TET2: variants seen among roughly 807,000 people sequenced by gnomAD.
TET2 encodes tet methylcytosine dioxygenase 2, also known as methylcytosine dioxygenase TET2.
A neutral mutation model predicts 142.9 loss-of-function variants in TET2; 299 were observed. The observed-to-expected ratio is 2.09, with a 90% CI of 1.90 to 2.30. The LOEUF (loss-of-function observed/expected upper bound fraction) is 2.30. TET2 is among the 30% of genes most tolerant of loss of function. The pLI is 0.00. For synonymous variants in TET2, 819 were observed against 849.0 expected (o/e 0.96, Z 0.61); for missense variants, 2,418 against 2,378.0 (o/e 1.02, Z -0.35).
intron 2 of TET2, chr4:105,202,346 C>T (rs1726533688): frequency 1.3e-5 from 2 of 152,020 alleles, no homozygotes; most frequent in African/African-American, 4.8e-5. Flanking sequence ...CTAGCCCTCA[C>T]CTTTGAAAAG....
At position 105,237,366 on chromosome 4, in the gene TET2, T is replaced by A. The variant is rs192879693; in HGVS notation, c.3409+15T>A. On this transcript the variant is annotated intron_variant, in intron 3 of 10. Transcript: ENST00000380013. Reference sequence around the variant, plus strand: ...CAGATGTGTAGGTAAGTGCCAGAAATGTACTGAGACACATGGCGTTTATCC... The same window carrying A: ...CAGATGTGTAGGTAAGTGCCAGAAAAGTACTGAGACACATGGCGTTTATCC... 116 of 1,614,100 alleles carry A rather than the reference T, an allele frequency of 7.2e-5. 1 individual carries two copies. In the Admixed American group the frequency reaches 1.9e-3, roughly 26 times the overall value.
At chr4:105,191,104 C>T (rs73836051) in intron 2 of TET2, among the ~76,000 whole-genome samples, 3,740 of 152,224 alleles carry the variant, frequency 0.025, 159 homozygotes, top group African/African-American at 0.086. Flanking sequence ...CCAGGCTGCT[C>T]TGAAACTCCT....
chr4:105,258,807 C>T (rs1240007591), intron 6 of TET2, among the ~76,000 whole-genome samples: 1 of 152,078 alleles, frequency 6.6e-6, no homozygotes, highest in African/African-American at 2.4e-5. Flanking sequence ...TCTCTCTTTG[C>T]TTACTTGTAT....
chr4:105,258,648 G>A (rs900688120), intron 6 of TET2, among the ~76,000 whole-genome samples: 6 of 152,000 alleles, frequency 3.9e-5, no homozygotes, highest in Admixed American at 2.0e-4. Flanking sequence ...AGTTGACAGA[G>A]TATTATTATC....
intron 4 of TET2, chr4:105,242,102 G>A (rs1729336146): frequency 8.4e-7 from 1 of 1,193,688 alleles, no homozygotes; most frequent in Non-Finnish European, 1.0e-6. Context: ...TTAAGAGGTA[G>A]GCAGTATTAT....
intron 10 of TET2, 109 bp from the exon 11 acceptor site, chr4:105,274,939 T>A (rs1191829582): frequency 7.3e-7 from 1 of 1,364,964 alleles, no homozygotes; most frequent in East Asian, 2.5e-5. Context: ...GGGTGTCGTA[T>A]ATCACTAGTG....
intron 6 of TET2, among the ~76,000 whole-genome samples, chr4:105,245,249 T>C (rs1729529047): frequency 6.6e-6 from 1 of 152,238 alleles, no homozygotes; most frequent in African/African-American, 2.4e-5. Flanking sequence ...CTGACCACTT[T>C]TACAAATGAT....
chr4:105,204,654 A>G (rs898048201), intron 2 of TET2, among the ~76,000 whole-genome samples: 2 of 152,184 alleles, frequency 1.3e-5, no homozygotes, highest in African/African-American at 2.4e-5. Context: ...TTCAATAGGT[A>G]TAAGTTTATT....
chr4:105,183,131 C>T (rs1241448671), intron 1 of TET2, among the ~76,000 whole-genome samples: 2 of 152,102 alleles, frequency 1.3e-5, no homozygotes, highest in Admixed American at 6.6e-5. Flanking sequence ...TATTGATCCT[C>T]AATCTGTGGC....
intron 1 of TET2, among the ~76,000 whole-genome samples, chr4:105,167,157 A>G (rs1724193469): frequency 6.6e-6 from 1 of 151,894 alleles, no homozygotes; most frequent in South Asian, 2.1e-4. Flanking sequence ...TTATTTTCTC[A>G]ACTTTTGATA....
rs543976664 is a variant in TET2, at chr4:105,211,513, G to A, written c.-47+21008G>A. Among the ~76,000 whole-genome samples, 6 of 152,298 alleles carry A rather than the reference G, an allele frequency of 3.9e-5. No homozygotes were observed. In the South Asian group the frequency reaches 6.2e-4, roughly 16 times the overall value. ...GTGACCAGCATTTAGGGAATAAGCC[G>A]AGGCAGAGGAGGGCCATTAAGAAGG... On this transcript the variant is annotated intron_variant, in intron 2 of 10. Transcript: ENST00000380013.
Position 105,277,560 on chromosome 4 carries a change from G to A in TET2, c.*1041G>A, listed in dbSNP as rs921467203. 4.4e-6 allele frequency: 1 copy of A among 227,502 alleles called. No individual in the cohort carries two copies. The highest frequency in any genetic ancestry group is 6.4e-5 in the East Asian group (1 of 15,746). The allele number at this position is 227,502 out of a possible 1,614,324, so 14.1% of individuals were successfully genotyped here. On this transcript the variant is annotated 3_prime_UTR_variant, in exon 11 of 11. Coordinates refer to ENST00000380013, the MANE Select transcript of TET2 (RefSeq NM_001127208.3). ...AGCTTTTAAAATATTTTTGCTTTTA[G>A]CCATGCATCTGCTGATGAGCAATTG...
Position 105,243,661 on chromosome 4 carries a change from T to G in TET2, c.3686T>G (p.Leu1229Arg). 1 of 1,551,612 alleles carries G rather than the reference T, an allele frequency of 6.4e-7. No homozygotes were observed. The change falls in exon 6 of 11, where the codon CTC becomes CGC. Residue 1229 changes from leucine (L) to arginine (R), a missense_variant. By Grantham distance (102) the Leu-to-Arg change is moderately radical (BLOSUM62 -2). Coordinates refer to ENST00000380013, the MANE Select transcript of TET2 (RefSeq NM_001127208.3). ...HTCEAAVIVI[L>R]ILVWEGIPLS... ...TGTGAGGCTGCAGTGATTGTGATTC[T>G]CATCCTGGTGTGGGAAGGAATCCCG...
chr4:105,170,409 T>C (rs1222140578), intron 1 of TET2, among the ~76,000 whole-genome samples: 1 of 152,156 alleles, frequency 6.6e-6, no homozygotes, highest in Non-Finnish European at 1.5e-5. Flanking sequence ...TGCCTGAGTC[T>C]CAAAAGTTTG....
intron 6 of TET2, among the ~76,000 whole-genome samples, chr4:105,245,355 G>A (rs755229610): frequency 2.9e-4 from 43 of 150,018 alleles, no homozygotes; most frequent in Non-Finnish European, 5.6e-4. Context: ...TTTTAAGACA[G>A]AGTTTCACTC....
chr4:105,187,482 T>C (rs111416018), intron 1 of TET2, among the ~76,000 whole-genome samples: 2,100 of 152,324 alleles, frequency 0.014, 31 homozygotes, highest in Middle Eastern at 0.058. Flanking sequence ...TGAATATTTA[T>C]TTGGAATACA....
intron 8 of TET2, among the ~76,000 whole-genome samples, chr4:105,265,241 T>TATTA (rs1730630714): frequency 6.6e-6 from 1 of 152,338 alleles, no homozygotes; most frequent in African/African-American, 2.4e-5. Context: ...CACATGTGGT[T>TATTA]ATTATTTAAC....
At chr4:105,241,068 T>G in intron 3 of TET2, 1 of 1,077,826 alleles carries the variant, frequency 9.3e-7, no homozygotes, top group Middle Eastern at 4.0e-4. Flanking sequence ...GTATTCTTTG[T>G]TTAGTTTCAT....
intron 9 of TET2, 72 bp from the exon 10 acceptor site, chr4:105,272,492 A>G: frequency 2.9e-6 from 3 of 1,025,286 alleles, no homozygotes; most frequent in Non-Finnish European, 4.2e-6. Context: ...TGAGAGGAGA[A>G]AGATACACAC....
Sources: gnomAD v4.1 joint callset for allele counts (sites outside exome capture counted in the v4.1 genomes callset) on GRCh38, gnomAD v4.1.1 for gene constraint, MANE v1.5 for transcripts, NCBI Gene and HGNC (gene_info 2026-07-23, HGNC 2026-07-21) for gene names.